Variants in DISC1 observed in about 807,000 individuals in gnomAD.
DISC1 encodes disrupted in schizophrenia 1 protein.
A neutral mutation model predicts 84.5 loss-of-function variants in DISC1; 57 were observed. That is an observed-to-expected ratio of 0.67 (90% CI 0.55 to 0.84). The LOEUF is 0.84. Among genes scored for constraint, DISC1 ranks in the 40% least tolerant of loss-of-function variants. DISC1 has a pLI of 0.00. For synonymous variants in DISC1, 411 were observed against 415.2 expected, an observed-to-expected ratio of 0.99 and a Z score of 0.12; for missense variants, 1,000 against 1,057.8, an observed-to-expected ratio of 0.95 and a Z score of 0.76.
chr1:231,844,996 G>A (rs1486775531), intron 9 of DISC1, among the ~76,000 whole-genome samples: 2 of 151,872 alleles, frequency 1.3e-5, no homozygotes, highest in African/African-American at 2.4e-5. Flanking sequence ...TCTGGGTTTC[G>A]ATAAGGGGTT....
At chr1:231,742,770 T>TGTG (rs1167161289) in intron 3 of DISC1, among the ~76,000 whole-genome samples, 2 of 144,244 alleles carry the variant, frequency 1.4e-5, no homozygotes, top group African/African-American at 5.3e-5. Flanking sequence ...AAAAGCTAGG[T>TGTG]GTGGTGGCAC....
chr1:231,707,150 T>C (rs1030343856), intron 3 of DISC1, among the ~76,000 whole-genome samples: 4 of 152,238 alleles, frequency 2.6e-5, no homozygotes, highest in Non-Finnish European at 5.9e-5. Context: ...GTGGATGCCA[T>C]CTGGGGGCCC....
chr1:232,013,171 G>T (rs1169786404), intron 11 of DISC1, among the ~76,000 whole-genome samples: 1 of 152,148 alleles, frequency 6.6e-6, no homozygotes, highest in African/African-American at 2.4e-5. Context: ...AGCCTGCGGG[G>T]TGCTTTCTGT....
At chr1:231,746,978 G>A (rs945364766) in intron 3 of DISC1, among the ~76,000 whole-genome samples, 1 of 152,118 alleles carries the variant, frequency 6.6e-6, no homozygotes, top group Non-Finnish European at 1.5e-5. Context: ...CCCCAGACTA[G>A]AATGCAGTGG....
chr1:231,997,469 A>G (rs189308507), intron 10 of DISC1, among the ~76,000 whole-genome samples: 44 of 152,298 alleles, frequency 2.9e-4, no homozygotes, highest in Admixed American at 2.8e-3. Context: ...GGGAGAAAAC[A>G]GATGACAGCG....
chr1:231,670,266 G>A (rs2125449945), intron 1 of DISC1, among the ~76,000 whole-genome samples: 1 of 152,234 alleles, frequency 6.6e-6, no homozygotes, highest in Non-Finnish European at 1.5e-5. Context: ...TGGGTACTAG[G>A]CTTAATACCT....
chr1:231,876,848 C>G (rs1475004034), intron 9 of DISC1, among the ~76,000 whole-genome samples: 1 of 152,154 alleles, frequency 6.6e-6, no homozygotes. Flanking sequence ...TACTTTGTCC[C>G]TCCCACCTTT....
intron 6 of DISC1, among the ~76,000 whole-genome samples, chr1:231,776,750 A>G (rs200001253): frequency 5.3e-5 from 8 of 151,828 alleles, no homozygotes; most frequent in Non-Finnish European, 1.2e-4. Context: ...ACTGAATGGG[A>G]AAAAAAAATC....
chr1:231,753,794 G>C (rs1017558158), intron 4 of DISC1, among the ~76,000 whole-genome samples: 4 of 152,152 alleles, frequency 2.6e-5, no homozygotes, highest in Non-Finnish European at 5.9e-5. Flanking sequence ...ATGCATATGA[G>C]AATAGGTTGT....
intron 9 of DISC1, among the ~76,000 whole-genome samples, chr1:231,862,328 T>C (rs1282346380): frequency 6.6e-6 from 1 of 152,322 alleles, no homozygotes; most frequent in East Asian, 1.9e-4. Flanking sequence ...TCATCACTCA[T>C]GGCAACTGTT....
intron 1 of DISC1, among the ~76,000 whole-genome samples, chr1:231,637,990 A>C (rs948761443): frequency 3.3e-5 from 5 of 152,096 alleles, no homozygotes; most frequent in Admixed American, 2.0e-4. Context: ...TTCACTTTTC[A>C]CTGCATTCTC....
Position 231,954,252 on chromosome 1 carries a change from G to A in DISC1, c.1982-4576G>A, listed in dbSNP as rs1181876842. Among the ~76,000 whole-genome samples, 3 of 152,152 alleles carry A rather than the reference G, an allele frequency of 2.0e-5. No individual in the cohort carries two copies. The highest frequency in any genetic ancestry group is 2.9e-5 in the Non-Finnish European group (2 of 68,030). On this transcript the variant is annotated intron_variant, in intron 9 of 12. Coordinates refer to ENST00000439617, the MANE Select transcript of DISC1 (RefSeq NM_018662.3). The surrounding 1 kb of genome is among the most constrained non-coding windows in gnomAD (Gnocchi z 4.8). ...GTCCCACAGCTATCTCTGTGTCCCT[G>A]GAAGCCGTGTCCTTTTTCTATTTAA...
intron 9 of DISC1, among the ~76,000 whole-genome samples, chr1:231,836,076 C>CT (rs1176329776): frequency 6.6e-6 from 1 of 152,176 alleles, no homozygotes; most frequent in Non-Finnish European, 1.5e-5. Context: ...TTTACATTTT[C>CT]TCCACTGTTA....
chr1:231,851,085 C>T (rs538713066), intron 9 of DISC1, among the ~76,000 whole-genome samples: 2 of 152,172 alleles, frequency 1.3e-5, no homozygotes, highest in Admixed American at 6.5e-5. Context: ...TTCCACAGGA[C>T]GAGCACTTAC....
intron 9 of DISC1, among the ~76,000 whole-genome samples, chr1:231,895,514 CATACTT>C (rs577457523): frequency 1.3e-5 from 2 of 152,060 alleles, no homozygotes; most frequent in South Asian, 4.1e-4. Flanking sequence ...TTACAGTTGT[CATACTT>C]TTACTTCCAC....
chr1:231,725,697 C>T (rs1043236538), intron 3 of DISC1, among the ~76,000 whole-genome samples: 4 of 152,244 alleles, frequency 2.6e-5, no homozygotes, highest in Non-Finnish European at 4.4e-5. Context: ...AGTCAAGAAC[C>T]TTCCTGGGAT....
chr1:231,861,962 T>A (rs1215857823), intron 9 of DISC1, among the ~76,000 whole-genome samples: 1 of 152,184 alleles, frequency 6.6e-6, no homozygotes, highest in Non-Finnish European at 1.5e-5. Flanking sequence ...AAGTCCTGAT[T>A]GGCAACGTCT....
chr1:231,739,333 T>G (rs2072944640), intron 3 of DISC1, among the ~76,000 whole-genome samples: 3 of 152,246 alleles, frequency 2.0e-5, no homozygotes, highest in African/African-American at 7.2e-5. Context: ...CCTTAACTCC[T>G]TCATTTGTTT....
At chr1:231,815,738 C>A (rs1478395240) in intron 8 of DISC1, among the ~76,000 whole-genome samples, 57 of 136,180 alleles carry the variant, frequency 4.2e-4, no homozygotes, top group South Asian at 4.7e-4. Context: ...AACTCTGTCT[C>A]AAAAAAAAAA....
Sources: allele counts gnomAD v4.1 joint callset (sites outside exome capture counted in the v4.1 genomes callset), GRCh38; gene constraint gnomAD v4.1.1; non-coding constraint Gnocchi (gnomAD v3.1); transcripts MANE v1.5; gene names NCBI Gene and HGNC (gene_info 2026-07-23, HGNC 2026-07-21).